The following RAD51B variants were observed in gnomAD, a reference collection of about 807,000 sequenced individuals.
RAD51B encodes the protein DNA repair protein RAD51 homolog 2.
RAD51B carries 38 observed loss-of-function variants against 42.2 expected under a neutral mutation model. That is an observed-to-expected ratio of 0.90 (90% confidence interval 0.70 to 1.18). RAD51B has a LOEUF of 1.18. RAD51B is among the 50% of genes most tolerant of loss of function. RAD51B has a pLI of 0.00. For missense variants in RAD51B, 373 were observed against 400.7 expected (o/e 0.93, Z 0.59); for synonymous variants, 154 against 145.2 (o/e 1.06, Z -0.43).
chr14:68,143,008 A>C (rs10438156), intron 7 of RAD51B, among the ~76,000 whole-genome samples: 1 of 132,036 alleles, frequency 7.6e-6, no homozygotes, highest in African/African-American at 2.8e-5. Context: ...AAAGGCGCGG[A>C]GGGCGAGGGG....
intron 7 of RAD51B, among the ~76,000 whole-genome samples, chr14:68,059,703 CTAGTATCAAACA>C (rs143330324): frequency 0.017 from 2,555 of 152,242 alleles, 35 homozygotes; most frequent in African/African-American, 0.037. Context: ...TGAGATATTG[CTAGTATCAAACA>C]TATTTCATTA....
chr14:68,485,371 A>G (rs552923029), intron 10 of RAD51B, among the ~76,000 whole-genome samples: 97 of 152,212 alleles, frequency 6.4e-4, no homozygotes, highest in Non-Finnish European at 1.2e-3. Context: ...GTGGGAAGGA[A>G]GAGCTGTTGA....
intron 7 of RAD51B, among the ~76,000 whole-genome samples, chr14:68,016,162 C>T (rs762585641): frequency 3.3e-5 from 5 of 152,142 alleles, no homozygotes; most frequent in South Asian, 4.1e-4. Context: ...TAGCCATCAG[C>T]GTATGCCTCT....
intron 8 of RAD51B, among the ~76,000 whole-genome samples, chr14:68,323,494 A>G (rs1707956972): frequency 6.6e-6 from 1 of 152,172 alleles, no homozygotes; most frequent in African/African-American, 2.4e-5. Flanking sequence ...CACAGTACAA[A>G]CAAGAAAGAA....
intron 10 of RAD51B, among the ~76,000 whole-genome samples, chr14:68,502,635 C>T (rs765364041): frequency 3.9e-5 from 6 of 152,238 alleles, no homozygotes; most frequent in Admixed American, 1.3e-4. Flanking sequence ...GCTTCCAAGG[C>T]GCACTTCTAA....
chr14:68,063,936 C>G (rs2076609222), intron 7 of RAD51B, among the ~76,000 whole-genome samples: 1 of 152,058 alleles, frequency 6.6e-6, no homozygotes, highest in Non-Finnish European at 1.5e-5. Context: ...TTTATATGTC[C>G]TTTTTGTCTT....
intron 10 of RAD51B, among the ~76,000 whole-genome samples, chr14:68,567,796 TG>T (rs1185221198): frequency 6.6e-6 from 1 of 152,256 alleles, no homozygotes; most frequent in Non-Finnish European, 1.5e-5. Context: ...CACCCTTGGC[TG>T]TGCCATTATT....
At chr14:68,478,157 T>G, downstream of RAD51B, 1 of 1,016,524 alleles carries the variant, frequency 9.8e-7, no homozygotes, top group African/African-American at 1.7e-5. Flanking sequence ...AATGAAATCA[T>G]GGAATGATGT....
intron 7 of RAD51B, among the ~76,000 whole-genome samples, chr14:67,946,457 C>T (rs1047183711): frequency 3.3e-5 from 5 of 152,080 alleles, no homozygotes; most frequent in African/African-American, 1.2e-4. Context: ...CAACCTCCGC[C>T]TCCCCAGTTC....
intron 7 of RAD51B, among the ~76,000 whole-genome samples, chr14:67,936,586 G>A (rs1224328339): frequency 6.6e-6 from 1 of 152,166 alleles, no homozygotes; most frequent in East Asian, 1.9e-4. Flanking sequence ...TTGGACATAT[G>A]TTTTTATTTC....
At chr14:68,251,013 T>G (rs2273910) in intron 7 of RAD51B, among the ~76,000 whole-genome samples, 1 of 152,164 alleles carries the variant, frequency 6.6e-6, no homozygotes, top group East Asian at 1.9e-4. Flanking sequence ...GCCTCATAAC[T>G]TATATTAATT....
chr14:68,477,891 G>C lies in RAD51B; in HGVS notation c.*227G>C. The C allele has an allele frequency of 7.5e-7, 1 of 1,336,466 alleles. No homozygotes were observed. Among genetic ancestry groups the C allele is most frequent in the Non-Finnish European group, 9.6e-7 (1 of 1,044,630 alleles). The allele number at this position is 1,336,466 out of a possible 1,614,324, so 82.8% of individuals were successfully genotyped here. ...TTGTTCAGGTCTCTAGATGTGTAGG[G>C]CTGAGGGCTTTGCCGCCATGGGATG... On this transcript the variant is annotated 3_prime_UTR_variant, in exon 11 of 11. Transcript: ENST00000471583.
intron 4 of RAD51B, among the ~76,000 whole-genome samples, chr14:67,850,414 A>C (rs1047386416): frequency 1.3e-5 from 2 of 151,482 alleles, no homozygotes; most frequent in Non-Finnish European, 2.9e-5. Context: ...GTGACTTAAG[A>C]GTATGTCGAG....
At chr14:68,178,450 T>C (rs932360970) in intron 7 of RAD51B, among the ~76,000 whole-genome samples, 3 of 152,202 alleles carry the variant, frequency 2.0e-5, no homozygotes, top group African/African-American at 7.2e-5. Context: ...GGTTCCCTAC[T>C]TGACAGTAAC....
chr14:68,103,295 C>A (rs1468486356), intron 7 of RAD51B, among the ~76,000 whole-genome samples: 1 of 152,150 alleles, frequency 6.6e-6, no homozygotes, highest in African/African-American at 2.4e-5. Context: ...CTGTATAATT[C>A]AAAACCTCAG....
At chr14:68,587,699 C>T (rs984787009) in intron 10 of RAD51B, among the ~76,000 whole-genome samples, 1 of 152,038 alleles carries the variant, frequency 6.6e-6, no homozygotes, top group African/African-American at 2.4e-5. Flanking sequence ...TGAGCTGCAC[C>T]GAAGCAGGCC....
intron 7 of RAD51B, among the ~76,000 whole-genome samples, chr14:68,209,953 A>C (rs981539554): frequency 5.4e-5 from 8 of 147,112 alleles, no homozygotes; most frequent in Non-Finnish European, 1.0e-4. Flanking sequence ...AACATACTCT[A>C]GGAATACCTT....
At chr14:68,392,703 T>C (rs2083793104) in intron 8 of RAD51B, among the ~76,000 whole-genome samples, 1 of 151,924 alleles carries the variant, frequency 6.6e-6, no homozygotes, top group Non-Finnish European at 1.5e-5. Context: ...TGAAAGATCC[T>C]ATAATCTACA....
intron 4 of RAD51B, among the ~76,000 whole-genome samples, chr14:67,853,450 A>G (rs2041889701): frequency 6.6e-6 from 1 of 152,254 alleles, no homozygotes; most frequent in Non-Finnish European, 1.5e-5. Flanking sequence ...ATTCAGTGAC[A>G]TTCACATAAG....
Sources: gnomAD v4.1 joint callset for allele counts (sites outside exome capture counted in the v4.1 genomes callset) on GRCh38, gnomAD v4.1.1 for gene constraint, MANE v1.5 for transcripts, NCBI Gene and HGNC (gene_info 2026-07-23, HGNC 2026-07-21) for gene names.